The following NEGR1 variants were observed in gnomAD, a reference collection of about 807,000 sequenced individuals.
The protein encoded by NEGR1 is IgLON family member 4.
In NEGR1, 10 loss-of-function variants were observed where a neutral mutation model predicts 40.9. The observed-to-expected ratio is 0.24, with a 90% CI of 0.15 to 0.42. The LOEUF (loss-of-function observed/expected upper bound fraction) is 0.42, where lower values mean the gene tolerates loss of function less well. Ranked by LOEUF, NEGR1 falls within the 10% of genes least tolerant of loss-of-function variation. The pLI is 1.00. For missense variants in NEGR1, 352 were observed against 438.9 expected, an observed-to-expected ratio of 0.80 and a Z score of 1.77; for synonymous variants, 185 against 166.8, an observed-to-expected ratio of 1.11 and a Z score of -0.84.
In NEGR1 at chr1:71,928,350, GTATA is replaced by G. The variant is rs747176821; in HGVS notation, c.409+6725_409+6728del. Among the ~76,000 whole-genome samples, 298 of 35,090 alleles carry G rather than the reference GTATA, an allele frequency of 8.5e-3. 5 individuals are homozygous for G. Among genetic ancestry groups the G allele is most frequent in the Admixed American group, 0.026 (70 of 2,698 alleles). The allele number at this position is 35,090 out of a possible 152,430, so 23.0% of individuals were successfully genotyped here. A position where few individuals can be genotyped will look rare whatever the true frequency, so the allele number is the denominator to read the frequency against. On this transcript the variant is annotated intron_variant, in intron 2 of 6. Coordinates refer to ENST00000357731, the MANE Select transcript of NEGR1 (RefSeq NM_173808.3). ...TATATATGTATATATACACACATGT[GTATA>G]TATATATACACATATGTATATATGT...
At chr1:71,463,530 G>T (rs567522280) in intron 6 of NEGR1, 2 of 152,276 alleles carry the variant, frequency 1.3e-5, no homozygotes, top group African/African-American at 4.8e-5. Context: ...CTAGGGGTAA[G>T]GAAACAAGAA....
intron 1 of NEGR1, among the ~76,000 whole-genome samples, chr1:71,988,847 C>T (rs1025748852): frequency 6.9e-6 from 1 of 144,408 alleles, no homozygotes; most frequent in African/African-American, 2.6e-5. Context: ...GCTAAACATC[C>T]ATTATTTGGA....
At chr1:71,579,289 C>T (rs1464611290) in intron 6 of NEGR1, among the ~76,000 whole-genome samples, 4 of 152,130 alleles carry the variant, frequency 2.6e-5, no homozygotes, top group Non-Finnish European at 5.9e-5. Context: ...GAATTAATTA[C>T]ATTTTGTGAT....
chr1:71,425,294 A>G (rs965832168), intron 6 of NEGR1, among the ~76,000 whole-genome samples: 2 of 151,914 alleles, frequency 1.3e-5, no homozygotes, highest in Non-Finnish European at 2.9e-5. Flanking sequence ...TTCCAAATAA[A>G]CCTCCCATTA....
At chr1:71,657,977 A>G (rs763966120) in intron 4 of NEGR1, among the ~76,000 whole-genome samples, 2 of 152,210 alleles carry the variant, frequency 1.3e-5, no homozygotes, top group Non-Finnish European at 2.9e-5. Context: ...CCACTGCTAA[A>G]CATTCTTTTT....
intron 6 of NEGR1, among the ~76,000 whole-genome samples, chr1:71,448,600 A>G (rs972425679): frequency 6.6e-6 from 1 of 150,882 alleles, no homozygotes; most frequent in Non-Finnish European, 1.5e-5. Flanking sequence ...CTCCATCTCA[A>G]AGAAAAAAAA....
intron 6 of NEGR1, among the ~76,000 whole-genome samples, chr1:71,509,679 T>G (rs953638041): frequency 6.6e-6 from 1 of 152,232 alleles, no homozygotes; most frequent in African/African-American, 2.4e-5. Flanking sequence ...AATATATATG[T>G]TAACTCAATA....
intron 4 of NEGR1, among the ~76,000 whole-genome samples, chr1:71,620,405 A>C (rs921931164): frequency 7.9e-5 from 12 of 151,974 alleles, no homozygotes; most frequent in Admixed American, 2.0e-4. Context: ...GATTTCAAGT[A>C]CCTCACAGAG....
chr1:71,879,495 T>A (rs1265376180), intron 2 of NEGR1, among the ~76,000 whole-genome samples: 1 of 152,162 alleles, frequency 6.6e-6, no homozygotes, highest in Non-Finnish European at 1.5e-5. Context: ...TTTTTGGAAA[T>A]GTGGACTTTG....
At chr1:71,691,267 A>C (rs1376584254) in intron 4 of NEGR1, among the ~76,000 whole-genome samples, 1 of 152,000 alleles carries the variant, frequency 6.6e-6, no homozygotes, top group Non-Finnish European at 1.5e-5. Context: ...CTGAGGGATT[A>C]TAGAAATCAC....
intron 2 of NEGR1, among the ~76,000 whole-genome samples, chr1:71,916,679 C>T (rs1442538646): frequency 6.6e-6 from 1 of 152,096 alleles, no homozygotes; most frequent in Non-Finnish European, 1.5e-5. Flanking sequence ...TTGCTTGAAC[C>T]TGGGAGGTGG....
intron 2 of NEGR1, among the ~76,000 whole-genome samples, chr1:71,882,438 G>A (rs926731749): frequency 1.3e-5 from 2 of 151,814 alleles, no homozygotes; most frequent in African/African-American, 2.4e-5. Flanking sequence ...GTGGTTTGAG[G>A]GAAGAATGGA....
intron 4 of NEGR1, among the ~76,000 whole-genome samples, chr1:71,680,129 A>G (rs372620386): frequency 6.6e-6 from 1 of 151,714 alleles, no homozygotes; most frequent in East Asian, 1.9e-4. Context: ...AGAGCCTCAT[A>G]AAATTATTTG....
rs528729517 is a variant in NEGR1, at chr1:71,805,389, C to T, written c.410-29092G>A. ...TGGTTTTACGGCTCAGGGGGCATCA[C>T]GGAACCTGCCGACATGTGATGTCTC... On this transcript the variant is annotated intron_variant, in intron 2 of 6. Coordinates refer to ENST00000357731, the MANE Select transcript of NEGR1 (RefSeq NM_173808.3). Among the ~76,000 whole-genome samples the T allele has an allele frequency of 1.2e-4, 18 of 152,216 alleles. No homozygotes were observed. In the South Asian group the frequency reaches 2.7e-3, roughly 23 times the overall value.
chr1:72,129,065 A>G (rs1165935906), intron 1 of NEGR1, among the ~76,000 whole-genome samples: 3 of 152,100 alleles, frequency 2.0e-5, no homozygotes, highest in African/African-American at 7.2e-5. Context: ...GACTTGAACT[A>G]CACCACTGGC....
chr1:72,139,549 A>C lies in NEGR1; in HGVS notation c.176+142770T>G, dbSNP rs1650594870. Among the ~76,000 whole-genome samples, 2 of 152,230 alleles carry C rather than the reference A, an allele frequency of 1.3e-5. 1 individual carries two copies. Among genetic ancestry groups the C allele is most frequent in the Middle Eastern group, 6.8e-3 (2 of 294 alleles). ...TTTAACAAGTTTGATGAAATGAATTAACTCTTTTAAAGAAACAAAATATGA... is the reference window on the plus strand; with the variant it reads ...TTTAACAAGTTTGATGAAATGAATTCACTCTTTTAAAGAAACAAAATATGA... On this transcript the variant is annotated intron_variant, in intron 1 of 6. Transcript: ENST00000357731.
intron 1 of NEGR1, among the ~76,000 whole-genome samples, chr1:71,952,874 G>T (rs935807587): frequency 2.0e-5 from 3 of 150,002 alleles, no homozygotes; most frequent in Non-Finnish European, 3.0e-5. Flanking sequence ...TTATAAATTG[G>T]ACAACAAATC....
intron 1 of NEGR1, among the ~76,000 whole-genome samples, chr1:71,960,566 T>G (rs1026907979): frequency 6.6e-6 from 1 of 152,226 alleles, no homozygotes; most frequent in African/African-American, 2.4e-5. Flanking sequence ...TATTAAAGTT[T>G]AATCTTTAAT....
At chr1:72,118,327 T>C (rs1649659380) in intron 1 of NEGR1, among the ~76,000 whole-genome samples, 1 of 151,838 alleles carries the variant, frequency 6.6e-6, no homozygotes, top group African/African-American at 2.4e-5. Context: ...TTTCTTCAAT[T>C]TCCTTTTTGT....
Sources: gnomAD v4.1 joint callset for allele counts (sites outside exome capture counted in the v4.1 genomes callset) on GRCh38, gnomAD v4.1.1 for gene constraint, MANE v1.5 for transcripts, NCBI Gene and HGNC (gene_info 2026-07-23, HGNC 2026-07-21) for gene names.